Variants in LRRC18 observed in about 807,000 individuals in gnomAD.
The protein encoded by LRRC18 is leucine rich repeat containing 18.
In LRRC18, 12 loss-of-function variants were observed where a neutral mutation model predicts 11.2. That is an observed-to-expected ratio of 1.07 (90% CI 0.69 to 1.74). The LOEUF (loss-of-function observed/expected upper bound fraction) is 1.74. LRRC18 is among the 40% of genes most tolerant of loss of function. The pLI is 0.00. For missense variants in LRRC18, 374 were observed against 330.5 expected, an observed-to-expected ratio of 1.13 and a Z score of -1.02; for synonymous variants, 155 against 130.6, an observed-to-expected ratio of 1.19 and a Z score of -1.27.
At chr10:48,936,830 T>G in the LRRC18 span, among the ~76,000 whole-genome samples, 1 of 134,812 alleles carries the variant, frequency 7.4e-6, no homozygotes. Context: ...AGAGTGAGAC[T>G]CCGTCTCAAA....
chr10:48,915,915 C>A (rs927878820), upstream of LRRC18, among the ~76,000 whole-genome samples: 1 of 152,196 alleles, frequency 6.6e-6, no homozygotes, highest in African/African-American at 2.4e-5. Context: ...AGAGCCAGCA[C>A]CATGTTCACC....
At chr10:48,929,896 C>T in the LRRC18 span, among the ~76,000 whole-genome samples, 1 of 152,092 alleles carries the variant, frequency 6.6e-6, no homozygotes, top group African/African-American at 2.4e-5. Flanking sequence ...ATAAAGCAGA[C>T]TGACCTTCCC....
chr10:48,934,209 G>A, the LRRC18 span, among the ~76,000 whole-genome samples: 1 of 152,202 alleles, frequency 6.6e-6, no homozygotes, highest in South Asian at 2.1e-4. Context: ...TAGCATCCGT[G>A]TTGTTGATAA....
rs1007680544 is a variant in LRRC18, at chr10:48,910,118, G to C, written c.*119C>G. 2.8e-5 allele frequency: 27 copies of C among 959,504 alleles called. No individual in the cohort carries two copies. In the South Asian group the frequency reaches 3.7e-4, roughly 13 times the overall value. The allele number at this position is 959,504 out of a possible 1,614,324, so 59.4% of individuals were successfully genotyped here. On this transcript the variant is annotated 3_prime_UTR_variant, in exon 2 of 2. Transcript: ENST00000374160. ...AGTCGGTGGCTTGGCCAGCTCCGGC[G>C]AGCCTGGTTTCCAGAACATCTCACT...
chr10:48,910,161 C>T lies in LRRC18; in HGVS notation c.*76G>A, dbSNP rs1340702269. Reference sequence around the variant, plus strand: ...ATCTCACTTGCCACTCTGTCTTCTCCTAACTGGGGGCTTCTCCTCTTCAGA... The same window carrying T: ...ATCTCACTTGCCACTCTGTCTTCTCTTAACTGGGGGCTTCTCCTCTTCAGA... On this transcript the variant is annotated 3_prime_UTR_variant, in exon 2 of 2. Transcript: ENST00000374160. 17 of 1,368,178 alleles carry T rather than the reference C, an allele frequency of 1.2e-5. No individual in the cohort carries two copies. The East Asian group carries it at 1.8e-4, about 15-fold the overall frequency. 84.8% of individuals were successfully genotyped at this position (1,368,178 alleles called of 1,614,324 possible). A position where few individuals can be genotyped will look rare whatever the true frequency, so the allele number is the denominator to read the frequency against.
chr10:48,937,035 A>G, the LRRC18 span, among the ~76,000 whole-genome samples: 1 of 151,540 alleles, frequency 6.6e-6, no homozygotes, highest in Non-Finnish European at 1.5e-5. Context: ...CTGGGATTAC[A>G]GGCACCCACC....
chr10:48,917,003 A>T (rs1421595649), upstream of LRRC18, among the ~76,000 whole-genome samples: 1 of 151,810 alleles, frequency 6.6e-6, no homozygotes, highest in African/African-American at 2.4e-5. Context: ...ATTTTACTTT[A>T]CCTCTTCCAG....
At chr10:48,933,369 C>T in the LRRC18 span, among the ~76,000 whole-genome samples, 1 of 152,234 alleles carries the variant, frequency 6.6e-6, no homozygotes, top group Non-Finnish European at 1.5e-5. Flanking sequence ...GCGCATGCCT[C>T]GACTGGAGCC....
the LRRC18 span, among the ~76,000 whole-genome samples, chr10:48,938,321 C>T: frequency 6.6e-6 from 1 of 152,266 alleles, no homozygotes; most frequent in Non-Finnish European, 1.5e-5. Context: ...TACACCTAGC[C>T]TCCTAGTGCC....
At chr10:48,922,992 A>G in the LRRC18 span, among the ~76,000 whole-genome samples, 1 of 152,196 alleles carries the variant, frequency 6.6e-6, no homozygotes, top group Non-Finnish European at 1.5e-5. Context: ...ACATCTGTTG[A>G]AGCTTAGAGA....
the LRRC18 span, among the ~76,000 whole-genome samples, chr10:48,925,340 C>A: frequency 6.6e-6 from 1 of 152,258 alleles, no homozygotes; most frequent in Admixed American, 6.5e-5. Flanking sequence ...AGGTGGAGAC[C>A]TGCACTGTCA....
chr10:48,914,099 C>T (rs1417555056), exon 1 of LRRC18: 8 of 1,614,194 alleles, frequency 5.0e-6, no homozygotes, highest in Middle Eastern at 3.3e-4. Context: ...TGATGCAATT[C>T]CTGGCCACCT....
the LRRC18 span, among the ~76,000 whole-genome samples, chr10:48,931,496 G>A: frequency 2.0e-5 from 3 of 152,318 alleles, no homozygotes; most frequent in South Asian, 6.2e-4. Flanking sequence ...TGTTGTGAGA[G>A]GGTGGCCCGT....
At chr10:48,914,532 G>A (rs1471501600), upstream of LRRC18, among the ~76,000 whole-genome samples, 1 of 152,132 alleles carries the variant, frequency 6.6e-6, no homozygotes, top group African/African-American at 2.4e-5. Flanking sequence ...AGACTGTCAC[G>A]TACCCCCAAC....
chr10:48,927,477 C>T, the LRRC18 span, among the ~76,000 whole-genome samples: 1 of 152,190 alleles, frequency 6.6e-6, no homozygotes, highest in Non-Finnish European at 1.5e-5. Context: ...AAAACTTCCA[C>T]CCACATGCCT....
the LRRC18 span, among the ~76,000 whole-genome samples, chr10:48,936,816 C>A: frequency 1.7e-4 from 21 of 127,052 alleles, no homozygotes; most frequent in African/African-American, 3.9e-4. Context: ...CCAGCCTGGG[C>A]AACAGAGTGA....
the LRRC18 span, among the ~76,000 whole-genome samples, chr10:48,924,498 A>T: frequency 6.6e-6 from 1 of 152,388 alleles, no homozygotes; most frequent in Admixed American, 6.5e-5. Context: ...ATGGGCGAAT[A>T]GACAGACGAA....
chr10:48,939,645 A>C, the LRRC18 span, among the ~76,000 whole-genome samples: 1 of 152,324 alleles, frequency 6.6e-6, no homozygotes, highest in Non-Finnish European at 1.5e-5. Flanking sequence ...TCAACTAATC[A>C]CCAGTTACCA....
the LRRC18 span, among the ~76,000 whole-genome samples, chr10:48,922,105 G>A: frequency 6.6e-6 from 1 of 152,110 alleles, no homozygotes; most frequent in Non-Finnish European, 1.5e-5. Context: ...CTGTACAGTA[G>A]TCCCCCTTAT....
Sources: allele counts gnomAD v4.1 joint callset (sites outside exome capture counted in the v4.1 genomes callset), GRCh38; gene constraint gnomAD v4.1.1; transcripts MANE v1.5; gene names NCBI Gene and HGNC (gene_info 2026-07-23, HGNC 2026-07-21).